NUP210: variants seen among roughly 807,000 people sequenced by gnomAD.
NUP210 encodes the protein nucleoporin 210.
Under a neutral mutation model 196.0 loss-of-function variants are expected in NUP210, and 151 were observed. The observed-to-expected ratio is 0.77, with a 90% confidence interval of 0.67 to 0.88. The LOEUF (loss-of-function observed/expected upper bound fraction) is 0.88. NUP210 is among the 40% of genes least tolerant of loss of function. The probability of loss-of-function intolerance (pLI) is 0.00; values close to 1 mark genes in which losing one functional copy is unlikely to be tolerated. For missense variants in NUP210, 2,314 were observed against 2,493.7 expected, an observed-to-expected ratio of 0.93 and a Z score of 1.53; for synonymous variants, 1,070 against 1,052.7, an observed-to-expected ratio of 1.02 and a Z score of -0.32.
At chr3:13,410,144 G>C (rs951845996) in intron 1 of NUP210, among the ~76,000 whole-genome samples, 1 of 151,202 alleles carries the variant, frequency 6.6e-6, no homozygotes, top group African/African-American at 2.4e-5. Context: ...TTACAGGTGT[G>C]AGCCACTGTG....
rs539723689 is a variant in NUP210, at chr3:13,356,936, C to T, written c.2328+1286G>A. Among the ~76,000 whole-genome samples the T allele has an allele frequency of 2.4e-4, 36 of 152,342 alleles. No individual in the cohort carries two copies. In the South Asian group the frequency reaches 5.2e-3, roughly 22 times the overall value. ...GGTGGCCCGCTCAGCTCACAGACAA[C>T]GCTAAGGACAGGGAAGATGCACATA... On this transcript the variant is annotated intron_variant, in intron 16 of 39. Transcript: ENST00000254508.
rs573810804 is a variant in NUP210, at chr3:13,347,214, G to A, written c.2836-3911C>T. ...GCGGCTCACAGGAGCTGGGCCCCCC[G>A]GCTTCATTCCCTCCTGAATCCGCAG... On this transcript the variant is annotated intron_variant, in intron 20 of 39. Transcript: ENST00000254508. The surrounding 1 kb of genome is among the most constrained non-coding windows in gnomAD (Gnocchi z 4.7). 1.7e-5 allele frequency: 17 copies of A among 985,332 alleles called. No individual in the cohort carries two copies. The African/African-American group carries it at 2.3e-4, about 13-fold the overall frequency. 61.0% of individuals were successfully genotyped at this position (985,332 alleles called of 1,614,324 possible). A position where few individuals can be genotyped will look rare whatever the true frequency, so the allele number is the denominator to read the frequency against.
rs41293405 is a variant in NUP210, at chr3:13,371,871, G to T, written c.1749C>A (p.Val583=). ...GGAACACACCCTGGTTCTCCACCTC[G>T]ACAGCCAAGTCAAAGTGGGAGCAGT... The part of the protein sequence containing the change: ...LSDCSHFDLA[V]EVENQGVFQP... The change falls in exon 13 of 40, where the codon GTC becomes GTA. Residue 583 remains valine (V), a synonymous_variant. Transcript: ENST00000254508. 2.7e-5 allele frequency: 43 copies of T among 1,609,808 alleles called. No individual in the cohort carries two copies. In the Admixed American group the frequency reaches 7.0e-4, roughly 26 times the overall value.
At chr3:13,331,036 G>A (rs1311365338) in intron 29 of NUP210, among the ~76,000 whole-genome samples, 1 of 152,126 alleles carries the variant, frequency 6.6e-6, no homozygotes, top group African/African-American at 2.4e-5. Flanking sequence ...GGAGGATGGG[G>A]CTTTGAGTCC....
chr3:13,406,480 C>T (rs912683145), intron 1 of NUP210, among the ~76,000 whole-genome samples: 3 of 152,186 alleles, frequency 2.0e-5, no homozygotes, highest in South Asian at 2.1e-4. Flanking sequence ...TACTCAAAAC[C>T]GGGTCTGGAG....
At chr3:13,380,111 A>T (rs1699053299) in intron 6 of NUP210, among the ~76,000 whole-genome samples, 1 of 152,186 alleles carries the variant, frequency 6.6e-6, no homozygotes, top group Non-Finnish European at 1.5e-5. Context: ...TTTCCCAAGA[A>T]GCTCTGGTCA....
intron 1 of NUP210, among the ~76,000 whole-genome samples, chr3:13,418,460 G>A (rs185184781): frequency 1.1e-4 from 16 of 152,272 alleles, no homozygotes; most frequent in Admixed American, 8.5e-4. Context: ...AGACAAGCCA[G>A]GCATGGTGGC....
At chr3:13,381,487 G>A (rs911932475) in intron 6 of NUP210, among the ~76,000 whole-genome samples, 3 of 145,372 alleles carry the variant, frequency 2.1e-5, no homozygotes, top group African/African-American at 7.7e-5. Context: ...GGCTTTCTTA[G>A]GTGCAATCAC....
rs1182156765 is a variant in NUP210 at position 13,378,985 on chromosome 3, A to G, written c.977-5T>C. 6.2e-7 allele frequency: 1 copy of G among 1,613,702 alleles called. No homozygotes were observed. Among genetic ancestry groups the G allele is most frequent in the East Asian group, 2.2e-5 (1 of 44,880 alleles). On this transcript the variant is annotated splice_polypyrimidine_tract_variant and splice_region_variant and intron_variant, in intron 7 of 39. Transcript: ENST00000254508. ...AAGCACCTTGCATGCGAATACCTGA[A>G]TTTTGAATTAAGGGGCAAGACATAT...
At chr3:13,410,256 C>T (rs1470968384) in intron 1 of NUP210, among the ~76,000 whole-genome samples, 1 of 151,762 alleles carries the variant, frequency 6.6e-6, no homozygotes, top group Non-Finnish European at 1.5e-5. Context: ...TCTCGGCTCA[C>T]CGCAGCCTCC....
intron 6 of NUP210, 51 bp downstream of exon 6, chr3:13,386,223 TA>T (rs559336122): frequency 2.5e-6 from 4 of 1,577,060 alleles, no homozygotes; most frequent in South Asian, 1.2e-5. Context: ...GTAACCACAA[TA>T]AAAAAAGGAG....
intron 12 of NUP210, among the ~76,000 whole-genome samples, chr3:13,373,157 G>C (rs918483370): frequency 2.6e-5 from 4 of 152,204 alleles, no homozygotes; most frequent in African/African-American, 9.6e-5. Context: ...CAGAGCACTA[G>C]GCAAGTATGG....
intron 1 of NUP210, among the ~76,000 whole-genome samples, chr3:13,410,790 C>T (rs569871475): frequency 3.3e-5 from 5 of 151,422 alleles, no homozygotes; most frequent in South Asian, 2.1e-4. Flanking sequence ...TGGTGGCAGA[C>T]GCCTGTAGTC....
chr3:13,389,897 G>C (rs1045495294), intron 4 of NUP210, among the ~76,000 whole-genome samples: 1 of 151,934 alleles, frequency 6.6e-6, no homozygotes, highest in Non-Finnish European at 1.5e-5. Context: ...GGCCGTGAGG[G>C]AACAGCAGAC....
At chr3:13,405,159 T>C (rs1281130336) in intron 1 of NUP210, among the ~76,000 whole-genome samples, 1 of 152,172 alleles carries the variant, frequency 6.6e-6, no homozygotes, top group African/African-American at 2.4e-5. Flanking sequence ...TGTTTTTGGA[T>C]GAGATTAGCA....
rs917239264 is a variant in NUP210, at chr3:13,325,922, C to T, written c.4517G>A (p.Gly1506Glu). 2.5e-6 allele frequency: 4 copies of T among 1,613,906 alleles called. No homozygotes were observed. The African/African-American group carries it at 4.0e-5, about 16-fold the overall frequency. Residue 1506 changes from glycine (G) to glutamate (E), a missense_variant, in exon 33 of 40, where the codon GGA becomes GAA. By Grantham distance (98) the Gly-to-Glu change is moderately conservative. Coordinates refer to ENST00000254508, the MANE Select transcript of NUP210 (RefSeq NM_024923.4). ...GCTGTTGGCCGAGGAGCTCCAGGTTCCTGAGAGGCCTGGAGAGGAAGCACA... is the reference window on the plus strand; with the variant it reads ...GCTGTTGGCCGAGGAGCTCCAGGTTTCTGAGAGGCCTGGAGAGGAAGCACA... The part of the protein sequence containing the change: ...TVLTSLEGLS[G>E]TWSSSANSIL...
rs1276071894 is a variant in NUP210, at chr3:13,420,130, C to G, written c.97G>C (p.Val33Leu). Residue 33 changes from valine to leucine, a missense_variant, in exon 1 of 40, where the codon GTG becomes CTG. Physicochemically the swap from Val to Leu is conservative, Grantham distance 32. Coordinates refer to ENST00000254508, the MANE Select transcript of NUP210 (RefSeq NM_024923.4). The surrounding 1 kb of genome is among the most constrained non-coding windows in gnomAD (Gnocchi z 4.8). Reference sequence around the variant, plus strand: ...GTGGCCCGCGTGAAGGGCAGCAGCACTTTGGGGATGTTGAGCTTGGCCGCA... The same window carrying G: ...GTGGCCCGCGTGAAGGGCAGCAGCAGTTTGGGGATGTTGAGCTTGGCCGCA... ...AAAAKLNIPK[V>L]LLPFTRATRV... 6 of 1,355,552 alleles carry G rather than the reference C, an allele frequency of 4.4e-6. No homozygotes were observed. Among genetic ancestry groups the G allele is most frequent in the Non-Finnish European group, 5.8e-6 (6 of 1,033,406 alleles). 84.0% of individuals were successfully genotyped at this position (1,355,552 alleles called of 1,614,324 possible). A position where few individuals can be genotyped will look rare whatever the true frequency, so the allele number is the denominator to read the frequency against.
At chr3:13,343,598 C>T (rs1697608452) in intron 20 of NUP210, among the ~76,000 whole-genome samples, 1 of 152,192 alleles carries the variant, frequency 6.6e-6, no homozygotes, top group African/African-American at 2.4e-5. Flanking sequence ...TCCACTTGCA[C>T]ATTTTACAAA....
Position 13,379,492 on chromosome 3 carries a change from G to GA in NUP210, c.976+70dup, listed in dbSNP as rs1699031450. ...TTTTTAGCCCTGCCGAGCTTTCAGGGAAAAAAAGACTTGACTTCCAAACAG... is the reference window on the plus strand; with the variant it reads ...TTTTTAGCCCTGCCGAGCTTTCAGGGAAAAAAAAGACTTGACTTCCAAACAG... On this transcript the variant is annotated intron_variant, in intron 7 of 39. Coordinates refer to ENST00000254508, the MANE Select transcript of NUP210 (RefSeq NM_024923.4). The surrounding 1 kb of genome is among the most constrained non-coding windows in gnomAD (Gnocchi z 4.2). 5.0e-6 allele frequency: 8 copies of GA among 1,593,494 alleles called. No individual in the cohort carries two copies. In the Admixed American group the frequency reaches 5.2e-5, roughly 10 times the overall value.
Sources: gnomAD v4.1 joint callset for allele counts (sites outside exome capture counted in the v4.1 genomes callset) on GRCh38, gnomAD v4.1.1 for gene constraint, Gnocchi (gnomAD v3.1) non-coding constraint, MANE v1.5 for transcripts, NCBI Gene and HGNC (gene_info 2026-07-23, HGNC 2026-07-21) for gene names.